Variants in CRYBG1 observed in about 807,000 individuals in gnomAD.
The protein encoded by CRYBG1 is crystallin beta-gamma domain containing 1, also known as beta/gamma crystallin domain-containing protein 1.
CRYBG1 carries 139 observed loss-of-function variants against 189.2 expected under a neutral mutation model. That is an observed-to-expected ratio of 0.73 (90% CI 0.64 to 0.85). The LOEUF (loss-of-function observed/expected upper bound fraction) is 0.85. CRYBG1 is among the 40% of genes least tolerant of loss of function. The probability of loss-of-function intolerance (pLI) is 0.00; values close to 1 mark genes in which losing one functional copy is unlikely to be tolerated. For missense variants in CRYBG1, 2,611 were observed against 2,675.8 expected (o/e 0.98, Z 0.53); for synonymous variants, 1,023 against 1,017.1 (o/e 1.01, Z -0.11).
intron 8 of CRYBG1, among the ~76,000 whole-genome samples, chr6:106,532,146 CG>C (rs545636759): frequency 1.6e-3 from 237 of 152,188 alleles, no homozygotes; most frequent in African/African-American, 5.5e-3. Context: ...ACCTCAAACA[CG>C]TATTATTTCT....
intron 2 of CRYBG1, among the ~76,000 whole-genome samples, chr6:106,492,084 T>TAG (rs1230040083): frequency 6.6e-6 from 1 of 152,234 alleles, no homozygotes; most frequent in Admixed American, 6.5e-5. Context: ...TGTGGTCTTC[T>TAG]GACTGCACAC....
intron 2 of CRYBG1, among the ~76,000 whole-genome samples, chr6:106,468,753 A>G (rs1246930631): frequency 6.6e-6 from 1 of 152,256 alleles, no homozygotes; most frequent in Non-Finnish European, 1.5e-5. Flanking sequence ...TGTAGATGTG[A>G]TACATGAAAT....
At chr6:106,495,818 G>GT (rs1772836198) in intron 2 of CRYBG1, among the ~76,000 whole-genome samples, 1 of 42,122 alleles carries the variant, frequency 2.4e-5, no homozygotes, top group African/African-American at 1.7e-4. Context: ...TTTTCCTTGA[G>GT]TAAAAAAAAA....
At chr6:106,364,945 G>T (rs1238416140) in intron 1 of CRYBG1, among the ~76,000 whole-genome samples, 1 of 152,118 alleles carries the variant, frequency 6.6e-6, no homozygotes, top group South Asian at 2.1e-4. Flanking sequence ...ACAGTGGTTG[G>T]CACATAGTAT....
intron 2 of CRYBG1, among the ~76,000 whole-genome samples, chr6:106,491,728 C>T (rs762721287): frequency 1.3e-5 from 2 of 152,094 alleles, no homozygotes; most frequent in Non-Finnish European, 2.9e-5. Context: ...GGTCCTCATC[C>T]ACTTGGACCC....
intron 17 of CRYBG1, among the ~76,000 whole-genome samples, chr6:106,557,506 G>C (rs1223291635): frequency 1.3e-5 from 2 of 151,930 alleles, no homozygotes; most frequent in East Asian, 3.9e-4. Flanking sequence ...CCAGGTTCAA[G>C]TGATTCTCTA....
intron 2 of CRYBG1, among the ~76,000 whole-genome samples, chr6:106,494,456 G>A (rs751393770): frequency 5.9e-5 from 9 of 151,996 alleles, no homozygotes; most frequent in Non-Finnish European, 1.0e-4. Context: ...TCAACAATAC[G>A]CTGACATGAG....
intron 1 of CRYBG1, among the ~76,000 whole-genome samples, chr6:106,368,225 C>T (rs1769934915): frequency 6.6e-6 from 1 of 151,996 alleles, no homozygotes; most frequent in African/African-American, 2.4e-5. Context: ...TGAGAGCAAC[C>T]TGGTCAACAT....
intron 7 of CRYBG1, among the ~76,000 whole-genome samples, chr6:106,528,786 A>T (rs1773811742): frequency 6.6e-6 from 1 of 152,186 alleles, no homozygotes; most frequent in Admixed American, 6.5e-5. Flanking sequence ...TGAATATCAT[A>T]TTCCATTGAA....
At position 106,467,219 on chromosome 6, in the gene CRYBG1, T is replaced by G. The variant is rs1243107545; in HGVS notation, c.312+15387T>G. 7.9e-5 allele frequency among the ~76,000 whole-genome samples: 12 copies of G among 152,136 alleles called. No homozygotes were observed. The East Asian group carries it at 2.3e-3, about 29-fold the overall frequency. On this transcript the variant is annotated intron_variant, in intron 2 of 21. Coordinates refer to ENST00000633556, the MANE Select transcript of CRYBG1 (RefSeq NM_001371242.2). ...GGCTTATGTCTATAATCCCAGCACT[T>G]TGGGAGGCTGAGGCAGGAGAATTGC...
chr6:106,369,822 G>C (rs573018546), intron 1 of CRYBG1, among the ~76,000 whole-genome samples: 40 of 152,272 alleles, frequency 2.6e-4, no homozygotes, highest in African/African-American at 9.4e-4. Flanking sequence ...ACTTTCCTCA[G>C]AGGTAGGCAC....
At chr6:106,494,434 G>A (rs1238478947) in intron 2 of CRYBG1, among the ~76,000 whole-genome samples, 1 of 152,110 alleles carries the variant, frequency 6.6e-6, no homozygotes. Context: ...CATTTCAAAT[G>A]CATATTCACC....
At chr6:106,479,712 T>A (rs1473303897) in intron 2 of CRYBG1, among the ~76,000 whole-genome samples, 1 of 152,250 alleles carries the variant, frequency 6.6e-6, no homozygotes, top group Non-Finnish European at 1.5e-5. Flanking sequence ...GTTGGCTATT[T>A]GTATATCTTC....
chr6:106,384,420 A>T (rs1241211656), intron 1 of CRYBG1, among the ~76,000 whole-genome samples: 1 of 152,154 alleles, frequency 6.6e-6, no homozygotes, highest in Non-Finnish European at 1.5e-5. Context: ...TGTAATATAT[A>T]ATGAAATAGT....
In CRYBG1 at chr6:106,396,202, C is replaced by T. The variant is rs183814934; in HGVS notation, c.173+35121C>T. Among the ~76,000 whole-genome samples, 11 of 152,200 alleles carry T rather than the reference C, an allele frequency of 7.2e-5. No homozygotes were observed. The East Asian group carries it at 1.9e-3, about 27-fold the overall frequency. ...CCAGGGTAATTTTTTTTCCTTTGAA[C>T]TCAGCTATGAATTTTAATTTATTAT... is the stretch of plus-strand genomic sequence containing the variant. On this transcript the variant is annotated intron_variant, in intron 1 of 21. Transcript: ENST00000633556.
At position 106,360,797 on chromosome 6, in the gene CRYBG1, C is replaced by G. The variant is rs1771850753; in HGVS notation, c.-112C>G. On this transcript the variant is annotated 5_prime_UTR_variant, in exon 1 of 22. Transcript: ENST00000633556. Reference sequence around the variant, plus strand: ...CATCCGCGACGAGGGGGCGGGGTCCCACGGCGCGCTGAGAAAGGCGGGCGA... The same window carrying G: ...CATCCGCGACGAGGGGGCGGGGTCCGACGGCGCGCTGAGAAAGGCGGGCGA... 16 of 1,299,872 alleles carry G rather than the reference C, an allele frequency of 1.2e-5. No homozygotes were observed. Among genetic ancestry groups the G allele is most frequent in the Non-Finnish European group, 1.5e-5 (15 of 989,730 alleles). 80.5% of individuals were successfully genotyped at this position (1,299,872 alleles called of 1,614,324 possible).
At position 106,511,759 on chromosome 6, in the gene CRYBG1, C is replaced by T; in HGVS notation, c.642C>T (p.Arg214=). The stretch of plus-strand genomic sequence containing the variant: ...CCCCTGACGCCGAGCTGTCACCTCG[C>T]TGGAGCAGCAGTGCAGCGGCTGTGG... The part of the protein sequence containing the change: ...AAPPDAELSP[R]WSSSAAAVAV... The change falls in exon 3 of 22, where the codon CGC becomes CGT. Residue 214 remains arginine (R), a synonymous_variant. Coordinates refer to ENST00000633556, the MANE Select transcript of CRYBG1 (RefSeq NM_001371242.2). 6.5e-7 allele frequency: 1 copy of T among 1,535,420 alleles called. No homozygotes were observed. Among genetic ancestry groups the T allele is most frequent in the Middle Eastern group, 1.7e-4 (1 of 5,982 alleles).
rs1242329945 is a variant in CRYBG1 at position 106,520,049 on chromosome 6, T to G, written c.2841T>G (p.Ser947Arg). 1.2e-6 allele frequency: 2 copies of G among 1,614,044 alleles called. No homozygotes were observed. The highest frequency in any genetic ancestry group is 1.1e-5 in the South Asian group (1 of 91,080). The change falls in exon 4 of 22, where the codon AGT (serine) becomes AGG (arginine). Residue 947 changes from serine to arginine, a missense_variant. Ser to Arg is a moderately radical substitution (Grantham distance 110). Coordinates refer to ENST00000633556, the MANE Select transcript of CRYBG1 (RefSeq NM_001371242.2). ...STERSPEAVG[S>R]ECPSRVLVQV... ...AGCGTAGTCCAGAAGCTGTGGGAAG[T>G]GAGTGTCCATCCAGAGTCCTCGTCC...
At chr6:106,500,323 C>G (rs1772975122) in intron 2 of CRYBG1, among the ~76,000 whole-genome samples, 1 of 151,754 alleles carries the variant, frequency 6.6e-6, no homozygotes, top group African/African-American at 2.4e-5. Context: ...CAACACTTAT[C>G]TTTCACCTTT....
Sources: gnomAD v4.1 joint callset for allele counts (sites outside exome capture counted in the v4.1 genomes callset) on GRCh38, gnomAD v4.1.1 for gene constraint, MANE v1.5 for transcripts, NCBI Gene and HGNC (gene_info 2026-07-23, HGNC 2026-07-21) for gene names.